Variants in GPD2 observed in about 807,000 individuals in gnomAD.
GPD2 encodes glycerol-3-phosphate dehydrogenase 2.
In GPD2, 54 loss-of-function variants were observed where a neutral mutation model predicts 82.4. The ratio of observed to expected loss-of-function variants is 0.66; its 90% CI spans 0.53 to 0.82. The LOEUF is 0.82. GPD2 is among the 40% of genes least tolerant of loss of function. The probability of loss-of-function intolerance (pLI) is 0.00; values close to 1 mark genes in which losing one functional copy is unlikely to be tolerated. For synonymous variants in GPD2, 288 were observed against 306.1 expected (o/e 0.94, Z 0.62); for missense variants, 748 against 896.2 (o/e 0.83, Z 2.11).
chr2:156,481,305 T>C (rs1573912824), intron 2 of GPD2, among the ~76,000 whole-genome samples: 1 of 152,200 alleles, frequency 6.6e-6, no homozygotes, highest in African/African-American at 2.4e-5. Context: ...TTTCTTTGTG[T>C]TGTGAACATT....
chr2:156,561,287 C>T (rs954943869), intron 9 of GPD2, among the ~76,000 whole-genome samples: 1 of 151,942 alleles, frequency 6.6e-6, no homozygotes. Flanking sequence ...ACCTCGTGAT[C>T]CACCCGCCTT....
chr2:156,428,609 A>G, the GPD2 span, among the ~76,000 whole-genome samples: 2 of 152,232 alleles, frequency 1.3e-5, no homozygotes, highest in Non-Finnish European at 2.9e-5. Flanking sequence ...GCAGTTAGGC[A>G]GGAAGGGAAC....
chr2:156,556,551 T>C (rs1686967754), intron 8 of GPD2, among the ~76,000 whole-genome samples: 1 of 152,230 alleles, frequency 6.6e-6, no homozygotes, highest in African/African-American at 2.4e-5. Context: ...TATTTGATTT[T>C]AGAATAGTAA....
intron 6 of GPD2, among the ~76,000 whole-genome samples, chr2:156,537,391 TTGC>T (rs2105316285): frequency 6.6e-6 from 1 of 152,202 alleles, no homozygotes; most frequent in African/African-American, 2.4e-5. Flanking sequence ...TCTTTGAAAA[TTGC>T]TGGGAGTCTG....
intron 1 of GPD2, among the ~76,000 whole-genome samples, chr2:156,457,689 G>A (rs950105366): frequency 6.6e-6 from 1 of 152,182 alleles, no homozygotes; most frequent in African/African-American, 2.4e-5. Flanking sequence ...TGCTGGTTAG[G>A]CCAAAGCAGG....
chr2:156,414,480 C>T, the GPD2 span, among the ~76,000 whole-genome samples: 1 of 152,092 alleles, frequency 6.6e-6, no homozygotes. Context: ...ATTCATAATG[C>T]TTCTTATAGA....
chr2:156,452,662 G>T (rs1682655014), intron 1 of GPD2, among the ~76,000 whole-genome samples: 1 of 152,194 alleles, frequency 6.6e-6, no homozygotes. Flanking sequence ...TCAAGGGAGG[G>T]TTTGTTAGAA....
intron 8 of GPD2, among the ~76,000 whole-genome samples, chr2:156,554,971 T>C (rs1254290603): frequency 6.6e-6 from 1 of 152,262 alleles, no homozygotes; most frequent in African/African-American, 2.4e-5. Flanking sequence ...TTCCTCCTGA[T>C]GTCAAATGAA....
intron 1 of GPD2, among the ~76,000 whole-genome samples, chr2:156,451,287 G>A (rs914558126): frequency 7.0e-5 from 10 of 142,184 alleles, no homozygotes; most frequent in African/African-American, 2.0e-4. Context: ...CTGGCAGGGC[G>A]GGGGGCTGAC....
At chr2:156,540,972 G>A (rs778851995) in intron 6 of GPD2, among the ~76,000 whole-genome samples, 10 of 152,136 alleles carry the variant, frequency 6.6e-5, no homozygotes, top group Non-Finnish European at 2.9e-5. Context: ...AGTTATTTTA[G>A]GCAATAACCA....
At chr2:156,481,586 C>A (rs908586138) in intron 2 of GPD2, among the ~76,000 whole-genome samples, 1 of 151,742 alleles carries the variant, frequency 6.6e-6, no homozygotes, top group Non-Finnish European at 1.5e-5. Flanking sequence ...ACTTATTTCA[C>A]TTAACATAAT....
intron 1 of GPD2, among the ~76,000 whole-genome samples, chr2:156,472,900 C>G (rs1451044705): frequency 6.6e-6 from 1 of 152,116 alleles, no homozygotes; most frequent in African/African-American, 2.4e-5. Context: ...GGGGAAATCC[C>G]CCATTTCCTC....
chr2:156,401,063 T>A, the GPD2 span, among the ~76,000 whole-genome samples: 1 of 152,214 alleles, frequency 6.6e-6, no homozygotes, highest in East Asian at 1.9e-4. Context: ...TTTATTTGCA[T>A]GAGTCCAGTG....
At chr2:156,579,043 C>A in intron 14 of GPD2, 42 bp downstream of exon 14, 3 of 1,548,764 alleles carry the variant, frequency 1.9e-6, no homozygotes, top group South Asian at 1.1e-5. Flanking sequence ...TTTTTTTTGG[C>A]CTATGTAAGT....
chr2:156,539,943 G>C (rs1312112342), intron 6 of GPD2, among the ~76,000 whole-genome samples: 1 of 75,506 alleles, frequency 1.3e-5, no homozygotes, highest in African/African-American at 4.4e-5. Context: ...GAGAGATCAA[G>C]TTCCACTTGT....
At chr2:156,534,260 T>C (rs2105310849) in intron 6 of GPD2, among the ~76,000 whole-genome samples, 1 of 151,660 alleles carries the variant, frequency 6.6e-6, no homozygotes, top group Middle Eastern at 3.4e-3. Context: ...TCCTCTGCTG[T>C]GCCACTCTTC....
At chr2:156,448,537 T>C (rs572875933) in intron 1 of GPD2, among the ~76,000 whole-genome samples, 2 of 152,296 alleles carry the variant, frequency 1.3e-5, no homozygotes, top group East Asian at 3.9e-4. Flanking sequence ...AGGAGAGACA[T>C]GAGAAGATAA....
intron 13 of GPD2, among the ~76,000 whole-genome samples, chr2:156,572,955 A>G (rs1031070510): frequency 2.6e-5 from 4 of 152,162 alleles, no homozygotes; most frequent in African/African-American, 9.6e-5. Flanking sequence ...CCTGTGTCCT[A>G]GTTTATAGAC....
the GPD2 span, among the ~76,000 whole-genome samples, chr2:156,406,360 C>T: frequency 6.6e-6 from 1 of 152,146 alleles, no homozygotes; most frequent in South Asian, 2.1e-4. Flanking sequence ...TCACGATATG[C>T]TCATTCCTAG....
Sources: allele counts gnomAD v4.1 joint callset (sites outside exome capture counted in the v4.1 genomes callset), GRCh38; gene constraint gnomAD v4.1.1; transcripts MANE v1.5; gene names NCBI Gene and HGNC (gene_info 2026-07-23, HGNC 2026-07-21).